EHD3: variants seen among roughly 807,000 people sequenced by gnomAD.
EHD3 encodes the protein EH domain containing 3, also known as EH domain-containing protein 3.
EHD3 carries 17 observed loss-of-function variants against 43.0 expected under a neutral mutation model. The observed-to-expected ratio is 0.40, with a 90% CI of 0.27 to 0.59. EHD3 has a LOEUF of 0.59. Among genes scored for constraint, EHD3 ranks in the 20% least tolerant of loss-of-function variants. The pLI is 0.49. For missense variants in EHD3, 594 were observed against 705.6 expected (o/e 0.84, Z 1.79); for synonymous variants, 313 against 289.5 (o/e 1.08, Z -0.82).
chr2:31,247,504 A>G (rs1683550227), intron 2 of EHD3, among the ~76,000 whole-genome samples: 1 of 152,222 alleles, frequency 6.6e-6, no homozygotes, highest in Non-Finnish European at 1.5e-5. Context: ...AAGATCCTGC[A>G]TTTCCAGAGT....
intron 3 of EHD3, among the ~76,000 whole-genome samples, chr2:31,250,529 G>C (rs1572466906): frequency 6.6e-6 from 1 of 152,288 alleles, no homozygotes; most frequent in South Asian, 2.1e-4. Flanking sequence ...GCCTCCCAAA[G>C]TGTTGGGGAT....
intron 2 of EHD3, among the ~76,000 whole-genome samples, chr2:31,245,543 ATATATATATATT>A (rs1450624596): frequency 5.2e-4 from 29 of 55,482 alleles, no homozygotes; most frequent in African/African-American, 2.2e-3. Context: ...ATATATATAT[ATATATATATATT>A]TTTTTTTTTT....
chr2:31,247,078 G>T (rs1046050618), intron 2 of EHD3, among the ~76,000 whole-genome samples: 6 of 152,104 alleles, frequency 3.9e-5, no homozygotes, highest in African/African-American at 1.4e-4. Context: ...TGTATTTTTA[G>T]TAGAGACAGG....
intron 3 of EHD3, among the ~76,000 whole-genome samples, chr2:31,249,795 G>A (rs575922380): frequency 9.8e-5 from 15 of 152,300 alleles, no homozygotes; most frequent in African/African-American, 3.6e-4. Context: ...ATCCTGGCTT[G>A]CTTCTTAAGT....
rs1683839095 is a variant in EHD3, at chr2:31,260,817, C to T, written c.810C>T (p.Leu270=). ...TCCTCATCCCTGACAACCGGAAGCT[C>T]TTTGAGGCTGAGGAACAGGACCTAT... The part of the protein sequence containing the change: ...HPLLIPDNRK[L]FEAEEQDLFR... Residue 270 remains leucine (L), a synonymous_variant, in exon 4 of 6, where the codon CTC becomes CTT. Transcript: ENST00000322054. This position sits in a 1 kb window ranked among gnomAD's most constrained non-coding sequence, Gnocchi z 4.6. The T allele has an allele frequency of 1.2e-6, 2 of 1,614,182 alleles. No individual in the cohort carries two copies. Among genetic ancestry groups the T allele is most frequent in the Admixed American group, 3.3e-5 (2 of 60,026 alleles).
intron 5 of EHD3, among the ~76,000 whole-genome samples, chr2:31,265,182 A>AT (rs1257363664): frequency 6.6e-6 from 1 of 152,070 alleles, no homozygotes; most frequent in Non-Finnish European, 1.5e-5. Context: ...TACTGTTAAC[A>AT]TTTTTTTTAA....
chr2:31,245,528 AATATATATATAT>A (rs775189280), intron 2 of EHD3, among the ~76,000 whole-genome samples: 3 of 75,040 alleles, frequency 4.0e-5, no homozygotes, highest in African/African-American at 1.8e-4. Flanking sequence ...TCTTATCCCA[AATATATATATAT>A]ATATATATAT....
intron 5 of EHD3, among the ~76,000 whole-genome samples, chr2:31,264,355 A>T (rs949347738): frequency 2.0e-5 from 3 of 152,166 alleles, no homozygotes; most frequent in African/African-American, 7.2e-5. Flanking sequence ...GAGCTTGCAG[A>T]ACTGGAAGTT....
intron 1 of EHD3, among the ~76,000 whole-genome samples, chr2:31,242,679 G>T (rs951607617): frequency 3.3e-5 from 5 of 152,186 alleles, no homozygotes; most frequent in African/African-American, 1.2e-4. Flanking sequence ...TCAGGTGGCT[G>T]GGTATGGTGG....
intron 1 of EHD3, among the ~76,000 whole-genome samples, chr2:31,242,996 G>T (rs67525031): frequency 0.5 from 75,334 of 151,698 alleles, 20,826 homozygotes; most frequent in East Asian, 0.75. Flanking sequence ...ATAAAATCAG[G>T]TCAGGCACAA....
At chr2:31,240,921 T>C (rs1232170787) in intron 1 of EHD3, among the ~76,000 whole-genome samples, 3 of 152,172 alleles carry the variant, frequency 2.0e-5, no homozygotes, top group Non-Finnish European at 4.4e-5. Flanking sequence ...ACACACTCAC[T>C]AGGTCAGGTG....
intron 5 of EHD3, among the ~76,000 whole-genome samples, chr2:31,265,284 C>T (rs114953838): frequency 0.019 from 2,867 of 152,206 alleles, 104 homozygotes; most frequent in African/African-American, 0.066. Context: ...TATCATTATC[C>T]GGTATTATGT....
intron 1 of EHD3, among the ~76,000 whole-genome samples, chr2:31,238,208 G>A (rs1191480663): frequency 3.3e-5 from 5 of 152,126 alleles, no homozygotes; most frequent in African/African-American, 1.2e-4. Flanking sequence ...GTGCGTCCAT[G>A]CCTAGGTCTC....
chr2:31,252,669 T>C (rs896213109), intron 3 of EHD3, among the ~76,000 whole-genome samples: 4 of 152,172 alleles, frequency 2.6e-5, no homozygotes, highest in African/African-American at 7.2e-5. Flanking sequence ...GAGACGGGGT[T>C]TCACTACCTC....
chr2:31,258,775 G>A (rs138417136), intron 3 of EHD3, among the ~76,000 whole-genome samples: 85 of 152,168 alleles, frequency 5.6e-4, no homozygotes, highest in Non-Finnish European at 1.0e-3. Context: ...ATGGGCCAGT[G>A]GTATTCAAAG....
At chr2:31,259,323 C>A (rs1480907777) in intron 3 of EHD3, among the ~76,000 whole-genome samples, 2 of 152,224 alleles carry the variant, frequency 1.3e-5, no homozygotes, top group East Asian at 3.8e-4. Flanking sequence ...AATCACTTGA[C>A]TTCTCTGAGC....
chr2:31,240,332 C>A (rs916236053), intron 1 of EHD3, among the ~76,000 whole-genome samples: 3 of 152,226 alleles, frequency 2.0e-5, no homozygotes, highest in Non-Finnish European at 4.4e-5. Context: ...GGAATGTTTT[C>A]TCCTGGCAAC....
Position 31,234,332 on chromosome 2 carries a change from G to T in EHD3, c.-290G>T. 2 of 422,538 alleles carry T rather than the reference G, an allele frequency of 4.7e-6. No individual in the cohort carries two copies. The highest frequency in any genetic ancestry group is 8.7e-6 in the Non-Finnish European group (2 of 229,764). 26.2% of individuals were successfully genotyped at this position (422,538 alleles called of 1,614,324 possible). Reference sequence around the variant, plus strand: ...CCCGGCATCTGGCAGTTTCCTTGCAGGTTCAACTTTAATTGCCAAGATTTC... The same window carrying T: ...CCCGGCATCTGGCAGTTTCCTTGCATGTTCAACTTTAATTGCCAAGATTTC... On this transcript the variant is annotated 5_prime_UTR_variant, in exon 1 of 6. In the 5' UTR this introduces an upstream ATG that the reference lacks. Transcript: ENST00000322054.
intron 1 of EHD3, among the ~76,000 whole-genome samples, chr2:31,243,722 G>C (rs1462996876): frequency 6.6e-6 from 1 of 151,826 alleles, no homozygotes; most frequent in African/African-American, 2.4e-5. Flanking sequence ...CCAAAGTGCT[G>C]GGATTATAGG....
Sources: allele counts gnomAD v4.1 joint callset (sites outside exome capture counted in the v4.1 genomes callset), GRCh38; gene constraint gnomAD v4.1.1; non-coding constraint Gnocchi (gnomAD v3.1); transcripts MANE v1.5; gene names NCBI Gene and HGNC (gene_info 2026-07-23, HGNC 2026-07-21).